Variants in PSD3 observed in about 807,000 individuals in gnomAD.
PSD3 encodes the protein PH and SEC7 domain-containing protein 3.
Under a neutral mutation model 105.5 loss-of-function variants are expected in PSD3, and 49 were observed. The observed-to-expected ratio is 0.46, with a 90% CI of 0.37 to 0.59. PSD3 has a LOEUF of 0.59. Ranked by LOEUF, PSD3 falls within the 20% of genes least tolerant of loss-of-function variation. The pLI is 0.00. For synonymous variants in PSD3, 557 were observed against 457.8 expected (o/e 1.22, Z -2.77); for missense variants, 1,561 against 1,263.8 (o/e 1.24, Z -3.57).
At chr8:18,629,020 C>A (rs556315220) in intron 11 of PSD3, among the ~76,000 whole-genome samples, 1 of 151,804 alleles carries the variant, frequency 6.6e-6, no homozygotes. Flanking sequence ...CAATAAAAAG[C>A]GAGACCCACC....
chr8:18,931,201 T>C (rs2129468530), intron 2 of PSD3, among the ~76,000 whole-genome samples: 1 of 152,306 alleles, frequency 6.6e-6, no homozygotes. Flanking sequence ...ACAAGTCTTT[T>C]GTTGGATGTC....
At chr8:18,659,046 A>G (rs962989377) in intron 9 of PSD3, among the ~76,000 whole-genome samples, 2 of 152,114 alleles carry the variant, frequency 1.3e-5, no homozygotes, top group African/African-American at 4.8e-5. Context: ...TATCCTTCCC[A>G]TGGACAGATC....
At chr8:18,857,585 A>G (rs893678971) in intron 4 of PSD3, among the ~76,000 whole-genome samples, 7 of 152,234 alleles carry the variant, frequency 4.6e-5, no homozygotes, top group African/African-American at 7.2e-5. Context: ...CTAATGAGCA[A>G]TCAAGTTTGA....
intron 2 of PSD3, among the ~76,000 whole-genome samples, chr8:18,894,814 C>T (rs896517680): frequency 6.6e-6 from 1 of 152,178 alleles, no homozygotes; most frequent in Non-Finnish European, 1.5e-5. Flanking sequence ...GAAGCTCACA[C>T]ATGGTCTAGT....
chr8:18,823,020 T>C (rs1812871587), intron 4 of PSD3, among the ~76,000 whole-genome samples: 1 of 151,338 alleles, frequency 6.6e-6, no homozygotes, highest in Admixed American at 6.6e-5. Context: ...CATTCTTTAA[T>C]ATTATTTCTA....
At chr8:18,676,271 A>G (rs1416774747) in intron 9 of PSD3, among the ~76,000 whole-genome samples, 9 of 152,190 alleles carry the variant, frequency 5.9e-5, no homozygotes, top group Non-Finnish European at 1.5e-5. Context: ...CTTCCCCAAA[A>G]GAATGTGTTC....
chr8:18,573,467 T>C (rs544321404), intron 13 of PSD3, among the ~76,000 whole-genome samples: 42 of 152,136 alleles, frequency 2.8e-4, no homozygotes, highest in Non-Finnish European at 5.3e-4. Flanking sequence ...TGAGACTCCA[T>C]CTCAAAAGAA....
At chr8:18,607,078 G>A (rs1804891564) in intron 11 of PSD3, among the ~76,000 whole-genome samples, 1 of 152,118 alleles carries the variant, frequency 6.6e-6, no homozygotes, top group African/African-American at 2.4e-5. Context: ...TCTTTGCAGT[G>A]GTCGGTCTGC....
intron 11 of PSD3, among the ~76,000 whole-genome samples, chr8:18,625,821 A>C (rs1806434419): frequency 6.6e-6 from 1 of 152,172 alleles, no homozygotes; most frequent in Non-Finnish European, 1.5e-5. Context: ...ACCAAGATTA[A>C]ATGTATTAAT....
intron 9 of PSD3, among the ~76,000 whole-genome samples, chr8:18,749,226 C>G (rs998723277): frequency 2.0e-5 from 3 of 152,122 alleles, no homozygotes; most frequent in Non-Finnish European, 2.9e-5. Context: ...TCTTAGTGGA[C>G]CACACGTTAT....
At chr8:18,940,822 T>C (rs1822489502) in intron 1 of PSD3, among the ~76,000 whole-genome samples, 1 of 152,144 alleles carries the variant, frequency 6.6e-6, no homozygotes, top group Non-Finnish European at 1.5e-5. Flanking sequence ...TGGAGATCTA[T>C]CCGTCTTGCA....
At chr8:19,053,988 G>T (rs867220566) in intron 1 of PSD3, among the ~76,000 whole-genome samples, 1 of 152,208 alleles carries the variant, frequency 6.6e-6, no homozygotes, top group Non-Finnish European at 1.5e-5. Context: ...GCCAAAAGAG[G>T]ACTCCTTGAG....
intron 9 of PSD3, among the ~76,000 whole-genome samples, chr8:18,763,309 A>G (rs142642880): frequency 6.6e-6 from 1 of 152,278 alleles, no homozygotes; most frequent in African/African-American, 2.4e-5. Context: ...CTTTTATTTC[A>G]CACAAAAAAA....
At chr8:18,792,070 T>A (rs1212770301) in intron 8 of PSD3, among the ~76,000 whole-genome samples, 1 of 152,104 alleles carries the variant, frequency 6.6e-6, no homozygotes, top group Non-Finnish European at 1.5e-5. Context: ...AAACAACAGA[T>A]GATGGCGAGG....
intron 9 of PSD3, among the ~76,000 whole-genome samples, chr8:18,761,357 T>G (rs1435920095): frequency 6.6e-6 from 1 of 152,200 alleles, no homozygotes; most frequent in Non-Finnish European, 1.5e-5. Context: ...ACCAGATACC[T>G]GCAGGAAGGG....
chr8:18,904,064 A>C (rs1173729522), intron 2 of PSD3, among the ~76,000 whole-genome samples: 1 of 152,170 alleles, frequency 6.6e-6, no homozygotes, highest in Non-Finnish European at 1.5e-5. Context: ...ACAGTTCTGC[A>C]GGCTGTACAG....
intron 9 of PSD3, chr8:18,732,865 A>G (rs1233541671): frequency 6.6e-6 from 1 of 151,682 alleles, no homozygotes; most frequent in Non-Finnish European, 1.5e-5. Flanking sequence ...AAGCCCCACT[A>G]TTGTGAACCA....
intron 1 of PSD3, among the ~76,000 whole-genome samples, chr8:19,027,256 T>G (rs1827590651): frequency 6.6e-6 from 1 of 152,120 alleles, no homozygotes; most frequent in South Asian, 2.1e-4. Flanking sequence ...AGACTCTCAT[T>G]CTGGACATAA....
At position 19,003,284 on chromosome 8, in the gene PSD3, T is replaced by C. The variant is rs1019043462; in HGVS notation, c.21+10279A>G. On this transcript the variant is annotated intron_variant, in intron 1 of 15. Coordinates refer to ENST00000327040, the MANE Select transcript of PSD3 (RefSeq NM_015310.4). Reference sequence around the variant, plus strand: ...TATTTGGGAGGCTGAGGGAGGAGGATTGTTTGAGGCCAGGAGTTGAAGGCT... The same window carrying C: ...TATTTGGGAGGCTGAGGGAGGAGGACTGTTTGAGGCCAGGAGTTGAAGGCT... Among the ~76,000 whole-genome samples the C allele has an allele frequency of 7.2e-5, 11 of 151,748 alleles. 2 individuals carry two copies. The highest frequency in any genetic ancestry group is 1.5e-4 in the Non-Finnish European group (10 of 67,906).
Sources: gnomAD v4.1 joint callset for allele counts (sites outside exome capture counted in the v4.1 genomes callset) on GRCh38, gnomAD v4.1.1 for gene constraint, MANE v1.5 for transcripts, NCBI Gene and HGNC (gene_info 2026-07-23, HGNC 2026-07-21) for gene names.